GAB1: variants seen among roughly 807,000 people sequenced by gnomAD.
The protein encoded by GAB1 is GRB2-associated-binding protein 1.
A neutral mutation model predicts 66.5 loss-of-function variants in GAB1; 19 were observed. That is an observed-to-expected ratio of 0.29 (90% CI 0.20 to 0.42). The LOEUF (loss-of-function observed/expected upper bound fraction) is 0.42. GAB1 is among the 10% of genes least tolerant of loss of function. The pLI is 1.00. For missense variants in GAB1, 732 were observed against 858.5 expected (o/e 0.85, Z 1.84); for synonymous variants, 294 against 301.4 (o/e 0.98, Z 0.25).
chr4:143,464,391 G>A (rs974152448), intron 8 of GAB1, among the ~76,000 whole-genome samples: 2 of 151,984 alleles, frequency 1.3e-5, no homozygotes, highest in East Asian at 3.9e-4. Flanking sequence ...ACCACACCTG[G>A]CTAGTTTTTG....
intron 1 of GAB1, among the ~76,000 whole-genome samples, chr4:143,379,379 A>G (rs1016042877): frequency 1.3e-5 from 2 of 152,080 alleles, no homozygotes; most frequent in African/African-American, 4.8e-5. Flanking sequence ...CTGCCTTCCA[A>G]TCCTGCATCC....
At chr4:143,410,550 T>G (rs964313991) in intron 1 of GAB1, among the ~76,000 whole-genome samples, 24 of 152,214 alleles carry the variant, frequency 1.6e-4, no homozygotes, top group African/African-American at 5.3e-4. Flanking sequence ...AAGCCTGCCT[T>G]AAGACCTAGC....
rs1432536878 is a variant in GAB1, at chr4:143,377,346, G to A, written c.73-38131G>A. Among the ~76,000 whole-genome samples, 2 of 152,030 alleles carry A rather than the reference G, an allele frequency of 1.3e-5. 1 individual carries two copies. The stretch of plus-strand genomic sequence containing the variant: ...TCCTTTTTGGAAGCTGGCTTTTGTT[G>A]GGGGGAGGGTTTTTGTTTCTTGTAT... On this transcript the variant is annotated intron_variant, in intron 1 of 9. Transcript: ENST00000262994.
chr4:143,373,887 T>TATATATATATATATATATATATA (rs1560726049), intron 1 of GAB1, among the ~76,000 whole-genome samples: 17 of 98,264 alleles, frequency 1.7e-4, no homozygotes, highest in Middle Eastern at 5.6e-3. Context: ...ATATATATAT[T>TATATATATATATATATATATATA]TTTACCTTTC....
At chr4:143,400,034 G>A (rs1269751104) in intron 1 of GAB1, among the ~76,000 whole-genome samples, 1 of 151,794 alleles carries the variant, frequency 6.6e-6, no homozygotes, top group Non-Finnish European at 1.5e-5. Context: ...CGTCTCCTGG[G>A]TGTTCAAGTG....
chr4:143,395,315 A>G (rs950284627), intron 1 of GAB1: 2 of 152,652 alleles, frequency 1.3e-5, no homozygotes, highest in Admixed American at 1.3e-4. Flanking sequence ...AACATGTTCA[A>G]TAAATATTCA....
chr4:143,458,877 G>A (rs1399536393), intron 6 of GAB1, among the ~76,000 whole-genome samples: 1 of 151,652 alleles, frequency 6.6e-6, no homozygotes, highest in Non-Finnish European at 1.5e-5. Context: ...TAAAAGATTC[G>A]AACATTTTTT....
At chr4:143,357,163 T>A (rs1326206765) in intron 1 of GAB1, among the ~76,000 whole-genome samples, 1 of 152,158 alleles carries the variant, frequency 6.6e-6, no homozygotes, top group African/African-American at 2.4e-5. Flanking sequence ...TGAATACCAG[T>A]GGTTGGAACA....
At chr4:143,374,216 G>A (rs956619711) in intron 1 of GAB1, among the ~76,000 whole-genome samples, 2 of 152,050 alleles carry the variant, frequency 1.3e-5, no homozygotes, top group Non-Finnish European at 2.9e-5. Context: ...ACTTTCAAGA[G>A]GAGTTGCTTC....
chr4:143,400,968 CAAAA>C (rs774015122), intron 1 of GAB1, among the ~76,000 whole-genome samples: 7 of 91,244 alleles, frequency 7.7e-5, no homozygotes, highest in Admixed American at 5.7e-4. Flanking sequence ...GACTCCATCA[CAAAA>C]AAAAAAAAAA....
At chr4:143,395,164 A>T (rs1208954579) in intron 1 of GAB1, 1 of 152,230 alleles carries the variant, frequency 6.6e-6, no homozygotes, top group Non-Finnish European at 1.5e-5. Context: ...TTTCAGATCA[A>T]CTTGAGTTTT....
intron 2 of GAB1, among the ~76,000 whole-genome samples, chr4:143,419,636 C>G (rs1313579829): frequency 6.6e-6 from 1 of 152,046 alleles, no homozygotes; most frequent in Non-Finnish European, 1.5e-5. Flanking sequence ...ATAGATAAAA[C>G]AAGTATCTAA....
intron 3 of GAB1, among the ~76,000 whole-genome samples, chr4:143,433,921 A>C (rs1733808596): frequency 6.6e-6 from 1 of 152,194 alleles, no homozygotes; most frequent in Non-Finnish European, 1.5e-5. Context: ...GAAGAGACAC[A>C]ATCTCTGCCA....
intron 6 of GAB1, among the ~76,000 whole-genome samples, chr4:143,458,360 T>TGC: frequency 6.6e-6 from 1 of 152,206 alleles, no homozygotes; most frequent in African/African-American, 2.4e-5. Flanking sequence ...TGAGCCTCAA[T>TGC]GCGTATGGTC....
intron 1 of GAB1, among the ~76,000 whole-genome samples, chr4:143,363,084 A>G (rs1417380453): frequency 1.3e-5 from 2 of 152,204 alleles, no homozygotes; most frequent in Admixed American, 6.5e-5. Flanking sequence ...CACAGTGCAT[A>G]TGGCAGTGCT....
At chr4:143,464,851 A>T (rs1578759414) in intron 8 of GAB1, among the ~76,000 whole-genome samples, 1 of 152,228 alleles carries the variant, frequency 6.6e-6, no homozygotes, top group African/African-American at 2.4e-5. Context: ...CCTAAGGCAC[A>T]GTTTTTTCTG....
chr4:143,396,704 G>A (rs1436880490), intron 1 of GAB1, among the ~76,000 whole-genome samples: 1 of 152,194 alleles, frequency 6.6e-6, no homozygotes, highest in Non-Finnish European at 1.5e-5. Context: ...TGGTTCAAAT[G>A]CATACTTTAA....
intron 2 of GAB1, among the ~76,000 whole-genome samples, chr4:143,421,325 T>C (rs1733001848): frequency 6.6e-6 from 1 of 152,128 alleles, no homozygotes; most frequent in South Asian, 2.1e-4. Context: ...TGGGTTGTTT[T>C]CAATTTTTAG....
rs1736000988 is a variant in GAB1, at chr4:143,469,970, T to A, written c.*781T>A. 6.6e-6 allele frequency: 1 copy of A among 152,638 alleles called. No individual in the cohort carries two copies. The highest frequency in any genetic ancestry group is 2.4e-5 in the African/African-American group (1 of 41,468). 9.5% of individuals were successfully genotyped at this position (152,638 alleles called of 1,614,324 possible). ...CTTACACTTGTTAACATGTATTAAG[T>A]GTTATTTGCAAAAGGTAGATTATGT... On this transcript the variant is annotated 3_prime_UTR_variant, in exon 10 of 10. Transcript: ENST00000262994.
Sources: gnomAD v4.1 joint callset for allele counts (sites outside exome capture counted in the v4.1 genomes callset) on GRCh38, gnomAD v4.1.1 for gene constraint, MANE v1.5 for transcripts, NCBI Gene and HGNC (gene_info 2026-07-23, HGNC 2026-07-21) for gene names.